Variants in FCRL2 observed in about 807,000 individuals in gnomAD.
FCRL2 encodes the protein Fc receptor-like protein 2.
Under a neutral mutation model 59.8 loss-of-function variants are expected in FCRL2, and 48 were observed. That is an observed-to-expected ratio of 0.80 (90% CI 0.64 to 1.02). FCRL2 has a LOEUF of 1.02. Ranked by LOEUF, FCRL2 falls within the 50% of genes least tolerant of loss-of-function variation. The pLI, the probability that FCRL2 is intolerant of heterozygous loss-of-function variation, is 0.00. For synonymous variants in FCRL2, 251 were observed against 229.5 expected (o/e 1.09, Z -0.85); for missense variants, 658 against 597.3 (o/e 1.10, Z -1.06).
chr1:157,761,311 T>A (rs989806281), intron 7 of FCRL2, among the ~76,000 whole-genome samples: 11 of 152,302 alleles, frequency 7.2e-5, no homozygotes, highest in African/African-American at 2.4e-4. Context: ...CCAAGGTTGT[T>A]AGACATAGAA....
intron 7 of FCRL2, among the ~76,000 whole-genome samples, chr1:157,751,550 C>T (rs16839069): frequency 0.047 from 7,135 of 152,224 alleles, 229 homozygotes; most frequent in South Asian, 0.17. Context: ...AGGGGAGATA[C>T]GGTCATCTGC....
At chr1:157,772,806 C>T (rs188158836) in intron 2 of FCRL2, among the ~76,000 whole-genome samples, 118 of 152,310 alleles carry the variant, frequency 7.7e-4, no homozygotes, top group Admixed American at 2.2e-3. Flanking sequence ...ATCATCCACT[C>T]CTTGCACTGA....
chr1:157,770,456 A>C lies in FCRL2; in HGVS notation c.263T>G (p.Leu88Arg). The change falls in exon 3 of 12, where the codon CTC becomes CGC. Residue 88 changes from leucine to arginine, a missense_variant. Coordinates refer to ENST00000361516, the MANE Select transcript of FCRL2 (RefSeq NM_030764.4). ...GNYFCSTKGQ[L>R]FLWDKTSNIV... ...ATTTGAAGTTTTATCCCAGAGAAAG[A>C]GTTGTCCTTTGGTACTACAGAAATA... is the stretch of plus-strand genomic sequence containing the variant. 6.2e-7 allele frequency: 1 copy of C among 1,614,124 alleles called. No individual in the cohort carries two copies. Among genetic ancestry groups the C allele is most frequent in the Non-Finnish European group, 8.5e-7 (1 of 1,179,976 alleles).
At position 157,766,905 on chromosome 1, in the gene FCRL2, C is replaced by T. The variant is rs1370327324; in HGVS notation, c.1229G>A (p.Gly410Asp). ...CAACAGCAAAGCAACACCAGTGAAA[C>T]CAAGGACACCAAACAGTCCCCAGAG... is the stretch of plus-strand genomic sequence containing the variant. ...GVLWGLFGVL[G>D]FTGVALLLYA... The change falls in exon 7 of 12, where the codon GGT (glycine) becomes GAT (aspartate). Residue 410 changes from glycine to aspartate, a missense_variant. Coordinates refer to ENST00000361516, the MANE Select transcript of FCRL2 (RefSeq NM_030764.4). 1 of 1,614,122 alleles carries T rather than the reference C, an allele frequency of 6.2e-7. No individual in the cohort carries two copies. The highest frequency in any genetic ancestry group is 8.5e-7 in the Non-Finnish European group (1 of 1,180,026).
intron 3 of FCRL2, 90 bp downstream of exon 3, chr1:157,770,319 C>G: frequency 2.7e-6 from 4 of 1,494,718 alleles, no homozygotes; most frequent in Non-Finnish European, 3.6e-6. Context: ...CTATATTTAG[C>G]CCATGAGCAG....
At chr1:157,760,792 GGGAA>G (rs951392728) in intron 7 of FCRL2, among the ~76,000 whole-genome samples, 14 of 131,958 alleles carry the variant, frequency 1.1e-4, no homozygotes, top group East Asian at 4.3e-4. Flanking sequence ...GAAGGAAGGA[GGGAA>G]GGAAGGAAGG....
rs560338441 is a variant in FCRL2, at chr1:157,746,908, G to A, written c.1460-9C>T. 6.2e-7 allele frequency: 1 copy of A among 1,612,740 alleles called. No individual in the cohort carries two copies. The highest frequency in any genetic ancestry group is 1.3e-5 in the African/African-American group (1 of 75,042). ...AAGTGTCCTGATGTTTGCTGTTAAG[G>A]AAAAAGTAATAGTTCTGAGCTCTTG... On this transcript the variant is annotated splice_polypyrimidine_tract_variant and intron_variant, in intron 10 of 11. Coordinates refer to ENST00000361516, the MANE Select transcript of FCRL2 (RefSeq NM_030764.4).
chr1:157,770,366 G>A (rs1010468027), intron 3 of FCRL2, 43 bp downstream of exon 3: 4 of 1,590,322 alleles, frequency 2.5e-6, no homozygotes, highest in South Asian at 1.2e-5. Flanking sequence ...CCTTGCTGCC[G>A]TGGTCTCTCA....
intron 4 of FCRL2, 189 bp from the exon 5 acceptor site, chr1:157,768,890 T>C: frequency 4.8e-6 from 3 of 625,330 alleles, no homozygotes; most frequent in Non-Finnish European, 2.7e-6. Flanking sequence ...GACATTTGAA[T>C]GTCCTAACCC....
rs1481556912 is a variant in FCRL2 at position 157,770,044 on chromosome 1, A to C, written c.417T>G (p.Val139=). Residue 139 remains valine (V), a synonymous_variant, in exon 4 of 12, where the codon GTT becomes GTG. Coordinates refer to ENST00000361516, the MANE Select transcript of FCRL2 (RefSeq NM_030764.4). ...ETRLSPQRLD[V]QLQFCFFREN... is the part of the protein sequence containing the mutation. ...CTCTGAAGAAGCAGAACTGGAGTTGAACATCCAACCTCTGTGGAGAGAGCC... is the reference window on the plus strand; with the variant it reads ...CTCTGAAGAAGCAGAACTGGAGTTGCACATCCAACCTCTGTGGAGAGAGCC... 6.2e-7 allele frequency: 1 copy of C among 1,614,204 alleles called. No individual in the cohort carries two copies. The highest frequency in any genetic ancestry group is 1.3e-5 in the African/African-American group (1 of 75,052).
intron 7 of FCRL2, among the ~76,000 whole-genome samples, chr1:157,750,966 A>G (rs1213220138): frequency 6.6e-6 from 1 of 152,240 alleles, no homozygotes; most frequent in Non-Finnish European, 1.5e-5. Context: ...CCTTGATCAT[A>G]ATGGAACTGG....
intron 7 of FCRL2, among the ~76,000 whole-genome samples, chr1:157,761,195 C>T (rs6661719): frequency 0.018 from 2,699 of 152,204 alleles, 70 homozygotes; most frequent in African/African-American, 0.061. Context: ...TAGGTAAAGC[C>T]AGGTGGTGCA....
intron 7 of FCRL2, among the ~76,000 whole-genome samples, chr1:157,760,382 C>T (rs991875754): frequency 2.6e-5 from 4 of 151,576 alleles, no homozygotes; most frequent in Non-Finnish European, 2.9e-5. Flanking sequence ...CAGCACTTTG[C>T]GAGGCCGAGG....
intron 7 of FCRL2, among the ~76,000 whole-genome samples, chr1:157,757,494 AAAAG>A (rs1322660851): frequency 2.6e-5 from 4 of 152,192 alleles, no homozygotes; most frequent in South Asian, 2.1e-4. Flanking sequence ...AATTAAAAAA[AAAAG>A]AAAGAACAAC....
In FCRL2 at chr1:157,767,498, G is replaced by A. The variant is rs369279577; in HGVS notation, c.895C>T (p.Arg299Cys). 15 of 1,614,118 alleles carry A rather than the reference G, an allele frequency of 9.3e-6. No homozygotes were observed. In the South Asian group the frequency reaches 1.1e-4, roughly 12 times the overall value. ...GGAGACCTGAGGGTGAGGACAGGGCGAGACACTGGAACTGACAGACACAGA... is the reference window on the plus strand; with the variant it reads ...GGAGACCTGAGGGTGAGGACAGGGCAAGACACTGGAACTGACAGACACAGA... ...VNIPVRIPVS[R>C]PVLTLRSPGA... The change falls in exon 6 of 12, where the codon CGC (arginine) becomes TGC (cysteine). Residue 299 changes from arginine (R) to cysteine (C), a missense_variant. By Grantham distance (180) the Arg-to-Cys change is radical. Coordinates refer to ENST00000361516, the MANE Select transcript of FCRL2 (RefSeq NM_030764.4).
intron 2 of FCRL2, 135 bp downstream of exon 2, chr1:157,775,640 A>G (rs1422460502): frequency 1.1e-6 from 1 of 890,274 alleles, no homozygotes; most frequent in Admixed American, 2.5e-5. Context: ...GCGTGACCTC[A>G]GAACATGTCA....
intron 10 of FCRL2, among the ~76,000 whole-genome samples, chr1:157,747,837 A>G (rs1186192296): frequency 6.6e-6 from 1 of 152,184 alleles, no homozygotes; most frequent in East Asian, 1.9e-4. Flanking sequence ...TATTCCTCCC[A>G]TCCCATATGA....
In FCRL2 at chr1:157,770,528, A is replaced by C; in HGVS notation, c.191T>G (p.Phe64Cys). The C allele has an allele frequency of 6.2e-7, 1 of 1,614,208 alleles. No individual in the cohort carries two copies. The highest frequency in any genetic ancestry group is 8.5e-7 in the Non-Finnish European group (1 of 1,180,036). ...TGCACTTTGGATAAGGAAATCTGAG[A>C]ATTTTTTGAAAACAGATAACTCTTT... is the stretch of plus-strand genomic sequence containing the variant. ...DNKELSVFKK[F>C]SDFLIQSAVL... Residue 64 changes from phenylalanine (F) to cysteine (C), a missense_variant, in exon 3 of 12, where the codon TTC (phenylalanine) becomes TGC (cysteine). By Grantham distance (205) the Phe-to-Cys change is radical (BLOSUM62 -2). Transcript: ENST00000361516.
At chr1:157,763,235 T>C (rs992245849) in intron 7 of FCRL2, among the ~76,000 whole-genome samples, 9 of 152,188 alleles carry the variant, frequency 5.9e-5, no homozygotes, top group African/African-American at 2.2e-4. Context: ...TTACTTAAAA[T>C]ATATAGATGG....
Sources: allele counts gnomAD v4.1 joint callset (sites outside exome capture counted in the v4.1 genomes callset), GRCh38; gene constraint gnomAD v4.1.1; transcripts MANE v1.5; gene names NCBI Gene and HGNC (gene_info 2026-07-23, HGNC 2026-07-21).